Variants in SNRNP70 observed in about 807,000 individuals in gnomAD.
SNRNP70 encodes U1 small nuclear ribonucleoprotein 70 kDa.
SNRNP70 carries 8 observed loss-of-function variants against 50.5 expected under a neutral mutation model. The observed-to-expected ratio is 0.16, with a 90% CI of 0.09 to 0.29. The LOEUF (loss-of-function observed/expected upper bound fraction) is 0.29, where lower values mean the gene tolerates loss of function less well. Ranked by LOEUF, SNRNP70 falls within the 10% of genes least tolerant of loss-of-function variation. The pLI, the probability that SNRNP70 is intolerant of heterozygous loss-of-function variation, is 1.00. For missense variants in SNRNP70, 529 were observed against 663.5 expected (o/e 0.80, Z 2.23); for synonymous variants, 320 against 252.9 (o/e 1.27, Z -2.52).
Position 49,105,859 on chromosome 19 carries a change from G to T in SNRNP70, c.577+1124G>T, listed in dbSNP as rs188471432. Among the ~76,000 whole-genome samples the T allele has an allele frequency of 8.4e-4, 128 of 152,328 alleles. 1 individual carries two copies. Among genetic ancestry groups the T allele is most frequent in the Admixed American group, 3.9e-3 (59 of 15,302 alleles). On this transcript the variant is annotated intron_variant, in intron 8 of 9. Coordinates refer to ENST00000598441, the MANE Select transcript of SNRNP70 (RefSeq NM_003089.6). ...CCATGCCTCTTTGCACTGGCCCAGCGCAGCAGGCCACAGGCCCCAGCTTTA... is the reference window on the plus strand; with the variant it reads ...CCATGCCTCTTTGCACTGGCCCAGCTCAGCAGGCCACAGGCCCCAGCTTTA...
At chr19:49,093,212 C>T (rs938902228) in intron 4 of SNRNP70, among the ~76,000 whole-genome samples, 1 of 151,994 alleles carries the variant, frequency 6.6e-6, no homozygotes, top group African/African-American at 2.4e-5. Context: ...TTCCCTGCCT[C>T]CTGAGTAGCT....
intron 4 of SNRNP70, among the ~76,000 whole-genome samples, chr19:49,092,573 T>G (rs1457607899): frequency 6.6e-6 from 1 of 151,758 alleles, no homozygotes; most frequent in Non-Finnish European, 1.5e-5. Flanking sequence ...CATGCCCAGG[T>G]AATTTTTGTA....
chr19:49,089,330 T>C (rs975481207), intron 2 of SNRNP70, among the ~76,000 whole-genome samples: 2 of 152,020 alleles, frequency 1.3e-5, no homozygotes, highest in Non-Finnish European at 2.9e-5. Flanking sequence ...TGAACGATTC[T>C]AGTCAGTTGC....
At chr19:49,090,224 C>A in intron 2 of SNRNP70, 67 bp from the exon 3 acceptor site, 1 of 1,408,110 alleles carries the variant, frequency 7.1e-7, no homozygotes, top group Non-Finnish European at 1.0e-6. Context: ...TGTTTATTTC[C>A]TTGGTGAGTG....
In SNRNP70 at chr19:49,090,620, T is replaced by C. The variant is rs145095309; in HGVS notation, c.265+100T>C. 225 of 1,125,466 alleles carry C rather than the reference T, an allele frequency of 2.0e-4. No homozygotes were observed. The African/African-American group carries it at 3.2e-3, about 16-fold the overall frequency. The allele number at this position is 1,125,466 out of a possible 1,614,324, so 69.7% of individuals were successfully genotyped here. A position where few individuals can be genotyped will look rare whatever the true frequency, so the allele number is the denominator to read the frequency against. Reference sequence around the variant, plus strand: ...CCTGCTGTCTCCCTAAGGCCTGTGTTGTGGGGAACAGGGTTGTTAGTTCAT... The same window carrying C: ...CCTGCTGTCTCCCTAAGGCCTGTGTCGTGGGGAACAGGGTTGTTAGTTCAT... On this transcript the variant is annotated intron_variant, in intron 4 of 9. Transcript: ENST00000598441.
chr19:49,095,846 C>T (rs1480020398), intron 4 of SNRNP70, among the ~76,000 whole-genome samples: 1 of 151,804 alleles, frequency 6.6e-6, no homozygotes, highest in Non-Finnish European at 1.5e-5. Context: ...GTCTTGTTTA[C>T]TGCGAAATCC....
At chr19:49,106,173 C>A (rs1235049707) in intron 8 of SNRNP70, among the ~76,000 whole-genome samples, 2 of 152,166 alleles carry the variant, frequency 1.3e-5, no homozygotes, top group Admixed American at 6.5e-5. Context: ...ATGTTCTTAC[C>A]TTACTCTGGT....
intron 8 of SNRNP70, among the ~76,000 whole-genome samples, chr19:49,105,068 G>A (rs2040648438): frequency 6.6e-6 from 1 of 152,118 alleles, no homozygotes; most frequent in African/African-American, 2.4e-5. Flanking sequence ...AGTGTACTGG[G>A]CGCCCAGCTT....
At chr19:49,101,520 T>G in intron 7 of SNRNP70, 49 bp downstream of exon 7, 2 of 1,355,810 alleles carry the variant, frequency 1.5e-6, no homozygotes, top group Non-Finnish European at 2.1e-6. Context: ...CTCACTTCTC[T>G]GCTGCCCCAG....
At position 49,107,844 on chromosome 19, in the gene SNRNP70, C is replaced by T. The variant is rs1381408145; in HGVS notation, c.715C>T (p.Arg239Trp). ...PHRDRDRDRERERRERSRERD... is the reference protein window; with the variant it reads ...PHRDRDRDREWERRERSRERD... ...CAGGGACCGGGACCGGGACCGTGAG[C>T]GGGAGCGCAGAGAGCGGAGCCGGGA... Residue 239 changes from arginine to tryptophan, a missense_variant, in exon 10 of 10, where the codon CGG becomes TGG. Transcript: ENST00000598441. This position sits in a 1 kb window ranked among gnomAD's most constrained non-coding sequence, Gnocchi z 6.0. The T allele has an allele frequency of 1.9e-6, 3 of 1,571,872 alleles. No homozygotes were observed. Among genetic ancestry groups the T allele is most frequent in the South Asian group, 2.3e-5 (2 of 86,478 alleles).
chr19:49,096,198 T>C (rs890337882), intron 4 of SNRNP70, among the ~76,000 whole-genome samples: 1 of 151,818 alleles, frequency 6.6e-6, no homozygotes, highest in Non-Finnish European at 1.5e-5. Context: ...GCTGGGACTA[T>C]AGGCGCACAC....
intron 4 of SNRNP70, among the ~76,000 whole-genome samples, chr19:49,097,583 C>T (rs749874609): frequency 6.6e-6 from 1 of 152,162 alleles, no homozygotes; most frequent in Non-Finnish European, 1.5e-5. Flanking sequence ...TGTGACAGGG[C>T]TTCCGAGGGA....
Position 49,107,605 on chromosome 19 carries a change from G to T in SNRNP70, c.578-20G>T. ...CTGTCCCTGCCCAGATTCACCCTCT[G>T]TCCGTCTGCCCTGCCCCAGGAGGAG... On this transcript the variant is annotated intron_variant, in intron 8 of 9. Coordinates refer to ENST00000598441, the MANE Select transcript of SNRNP70 (RefSeq NM_003089.6). The surrounding 1 kb of genome is among the most constrained non-coding windows in gnomAD (Gnocchi z 6.0). 1.2e-6 allele frequency: 2 copies of T among 1,612,324 alleles called. No individual in the cohort carries two copies. Among genetic ancestry groups the T allele is most frequent in the Non-Finnish European group, 1.7e-6 (2 of 1,178,470 alleles).
At chr19:49,100,138 C>T (rs926563599) in intron 6 of SNRNP70, among the ~76,000 whole-genome samples, 3 of 152,188 alleles carry the variant, frequency 2.0e-5, no homozygotes, top group African/African-American at 7.2e-5. Context: ...ACTAGCCATC[C>T]TTTAGGGACC....
At position 49,104,692 on chromosome 19, in the gene SNRNP70, G is replaced by T. The variant is rs1245848291; in HGVS notation, c.534G>T (p.Val178=). 6.4e-7 allele frequency: 1 copy of T among 1,561,158 alleles called. No homozygotes were observed. Among genetic ancestry groups the T allele is most frequent in the Non-Finnish European group, 8.7e-7 (1 of 1,152,450 alleles). The part of the protein sequence containing the change: ...KIDGRRVLVD[V]ERGRTVKGWR... ...ATGGCAGGAGGGTCCTTGTGGACGT[G>T]GAGAGGGGCCGAACCGTGAAGGGCT... is the stretch of plus-strand genomic sequence containing the variant. Residue 178 remains valine, a synonymous_variant, in exon 8 of 10, where the codon GTG becomes GTT. Coordinates refer to ENST00000598441, the MANE Select transcript of SNRNP70 (RefSeq NM_003089.6). The surrounding 1 kb of genome is among the most constrained non-coding windows in gnomAD (Gnocchi z 5.4).
intron 8 of SNRNP70, among the ~76,000 whole-genome samples, chr19:49,105,437 C>G (rs2040653618): frequency 6.6e-6 from 1 of 152,076 alleles, no homozygotes; most frequent in South Asian, 2.1e-4. Context: ...CTGTTAAGAG[C>G]TGGGGCAACC....
At chr19:49,100,670 G>A (rs1223957683) in intron 6 of SNRNP70, among the ~76,000 whole-genome samples, 1 of 152,080 alleles carries the variant, frequency 6.6e-6, no homozygotes, top group Non-Finnish European at 1.5e-5. Context: ...CCCAGGTGTG[G>A]TGGCGCACGC....
At chr19:49,098,536 G>C (rs1415678783) in intron 5 of SNRNP70, 45 bp downstream of exon 5, 1 of 1,604,322 alleles carries the variant, frequency 6.2e-7, no homozygotes, top group Non-Finnish European at 8.5e-7. Flanking sequence ...GCTGCTGAGA[G>C]CCTGGGTCTG....
At chr19:49,090,548 T>G in intron 4 of SNRNP70, 28 bp downstream of exon 4, 1 of 1,609,302 alleles carries the variant, frequency 6.2e-7, no homozygotes, top group Non-Finnish European at 8.5e-7. Context: ...CATTTGGCTC[T>G]CTCCTCTCCC....
Sources: allele counts gnomAD v4.1 joint callset (sites outside exome capture counted in the v4.1 genomes callset), GRCh38; gene constraint gnomAD v4.1.1; non-coding constraint Gnocchi (gnomAD v3.1); transcripts MANE v1.5; gene names NCBI Gene and HGNC (gene_info 2026-07-23, HGNC 2026-07-21).